Variants in NOBOX observed in about 807,000 individuals in gnomAD.
NOBOX encodes the protein homeobox protein NOBOX.
NOBOX carries 46 observed loss-of-function variants against 60.2 expected under a neutral mutation model. The ratio of observed to expected loss-of-function variants is 0.76; its 90% CI spans 0.60 to 0.98. NOBOX has a LOEUF of 0.98. NOBOX is among the 50% of genes least tolerant of loss of function. The pLI is 0.00. For missense variants in NOBOX, 880 were observed against 865.5 expected (o/e 1.02, Z -0.21); for synonymous variants, 360 against 346.3 (o/e 1.04, Z -0.44).
At chr7:144,409,029 G>A (rs1056025974) in intron 1 of NOBOX, among the ~76,000 whole-genome samples, 7 of 152,132 alleles carry the variant, frequency 4.6e-5, no homozygotes, top group Admixed American at 3.9e-4. Context: ...AGTGTATATG[G>A]AATCCCTGTA....
intron 4 of NOBOX, 57 bp downstream of exon 2, chr7:144,400,989 C>A (rs931164761): frequency 7.2e-7 from 1 of 1,396,394 alleles, no homozygotes; most frequent in African/African-American, 1.4e-5. Flanking sequence ...TCACACAGCC[C>A]CACCTTTCCC....
chr7:144,403,755 G>C (rs897863540), intron 2 of NOBOX, 62 bp from the exon 1 acceptor site: 14 of 659,916 alleles, frequency 2.1e-5, no homozygotes, highest in Non-Finnish European at 3.3e-5. Flanking sequence ...ATGAAGCCTC[G>C]CCGGGCGGGC....
chr7:144,397,455 C>T lies in NOBOX; in HGVS notation c.1861G>A (p.Gly621Arg). 2.6e-6 allele frequency: 4 copies of T among 1,537,240 alleles called. No individual in the cohort carries two copies. Among genetic ancestry groups the T allele is most frequent in the Non-Finnish European group, 8.7e-7 (1 of 1,146,898 alleles). ...AATAGATCAGGAAAGTAGCCATCCC[C>T]TCCTGGGGGATGCCCCAGAGCTTGT... Residue 621 changes from glycine (G) to arginine (R), a missense_variant, in exon 10 of 10, where the codon GGG becomes AGG. Gly to Arg is a moderately radical substitution (Grantham distance 125). Coordinates refer to ENST00000467773, the MANE Select transcript of NOBOX (RefSeq NM_001080413.3).
chr7:144,401,075 C>T lies in NOBOX; in HGVS notation c.815G>A (p.Arg272Lys), dbSNP rs377432245. The change falls in exon 4 of 10, where the codon AGG (arginine) becomes AAG (lysine). Residue 272 changes from arginine (R) to lysine (K), a missense_variant. Physicochemically the swap from Arg to Lys is conservative, Grantham distance 26. Coordinates refer to ENST00000467773, the MANE Select transcript of NOBOX (RefSeq NM_001080413.3). This position sits in a 1 kb window ranked among gnomAD's most constrained non-coding sequence, Gnocchi z 4.2. ...GCGGTATAGGGTTCGTGTCTTTTTC[C>T]TAATTTGGCAGGTCACTTCCGGGGG... 8.5e-6 allele frequency: 13 copies of T among 1,528,330 alleles called. No individual in the cohort carries two copies. Among genetic ancestry groups the T allele is most frequent in the Middle Eastern group, 1.8e-4 (1 of 5,646 alleles). The allele number at this position is 1,528,330 out of a possible 1,614,324, so 94.7% of individuals were successfully genotyped here.
downstream of NOBOX, among the ~76,000 whole-genome samples, chr7:144,397,015 C>G (rs1427693937): frequency 6.6e-6 from 1 of 152,154 alleles, no homozygotes; most frequent in Non-Finnish European, 1.5e-5. Context: ...TAACACAGGC[C>G]ACCTGCTTCC....
chr7:144,398,704 T>C, intron 8 of NOBOX, 118 bp from the exon 7 acceptor site: 1 of 744,390 alleles, frequency 1.3e-6, no homozygotes, highest in Non-Finnish European at 2.2e-6. Context: ...AGCCCAGCCT[T>C]GCAAGGCTGC....
chr7:144,404,616 G>A lies in NOBOX; in HGVS notation c.150C>T (p.Gly50=), dbSNP rs751961900. 2 of 1,614,006 alleles carry A rather than the reference G, an allele frequency of 1.2e-6. No homozygotes were observed. Among genetic ancestry groups the A allele is most frequent in the Non-Finnish European group, 1.7e-6 (2 of 1,179,886 alleles). The stretch of plus-strand genomic sequence containing the variant: ...GGATGATGAAGAAGGAGCTGAAAGA[G>A]CCACAGACTCCGTAGATCCGGTACA... Residue 50 remains glycine (G), a synonymous_variant, in exon 2 of 10, where the codon GGC becomes GGT. Transcript: ENST00000467773.
chr7:144,410,180 C>G lies in NOBOX; in HGVS notation c.48G>C (p.Trp16Cys). The G allele has an allele frequency of 6.4e-7, 1 of 1,571,866 alleles. No individual in the cohort carries two copies. Among genetic ancestry groups the G allele is most frequent in the South Asian group, 1.2e-5 (1 of 85,366 alleles). ...TGAAGCCATCCTTGTCTCTGGTGTC[C>G]CAGGTACCCTCCAGGTCTGGTGATG... Residue 16 changes from tryptophan (W) to cysteine (C), a missense_variant, in exon 1 of 10, where the codon TGG (tryptophan) becomes TGC (cysteine). Physicochemically the swap from Trp to Cys is radical, Grantham distance 215. Transcript: ENST00000467773.
chr7:144,399,927 G>C, intron 5 of NOBOX, 64 bp from the exon 4 acceptor site: 2 of 1,398,570 alleles, frequency 1.4e-6, no homozygotes, highest in East Asian at 2.4e-5. Flanking sequence ...TTAGGTCCTG[G>C]CTGTTGCACA....
At chr7:144,405,828 C>T (rs1208170) in intron 1 of NOBOX, among the ~76,000 whole-genome samples, 19,389 of 152,100 alleles carry the variant, frequency 0.13, 1,548 homozygotes, top group South Asian at 0.23. Context: ...CAAGGAGGTA[C>T]CCAGAAACAT....
At chr7:144,404,761 T>TG (rs35868382) in intron 1 of NOBOX, 1 of 1,553,514 alleles carries the variant, frequency 6.4e-7, no homozygotes, top group Non-Finnish European at 8.8e-7. Flanking sequence ...GGGACTTTCT[T>TG]GGGGGAGATC....
At chr7:144,408,902 C>T (rs562618305) in intron 1 of NOBOX, among the ~76,000 whole-genome samples, 4 of 152,274 alleles carry the variant, frequency 2.6e-5, no homozygotes, top group Admixed American at 2.6e-4. Flanking sequence ...CTGCACAGAA[C>T]TAAATACACA....
At chr7:144,396,952 T>C (rs2053896792), downstream of NOBOX, among the ~76,000 whole-genome samples, 1 of 151,862 alleles carries the variant, frequency 6.6e-6, no homozygotes, top group Admixed American at 6.6e-5. Flanking sequence ...TCCAGCTCAT[T>C]TGTCAAGCAA....
chr7:144,407,417 A>G (rs1005922528), intron 1 of NOBOX, among the ~76,000 whole-genome samples: 1 of 152,220 alleles, frequency 6.6e-6, no homozygotes, highest in Non-Finnish European at 1.5e-5. Context: ...GGGAGATTGT[A>G]GTCACAGCCA....
At chr7:144,397,204 ACCCAAGCAGC>A, downstream of NOBOX, 2 of 1,497,406 alleles carry the variant, frequency 1.3e-6, no homozygotes, top group Admixed American at 4.1e-5. Context: ...ATCCTATCCC[ACCCAAGCAGC>A]CTCTTTTCAC....
chr7:144,397,759 G>A (rs2053904247), intron 9 of NOBOX, among the ~76,000 whole-genome samples: 1 of 152,172 alleles, frequency 6.6e-6, no homozygotes, highest in South Asian at 2.1e-4. Flanking sequence ...TTGACACAAA[G>A]TGAACCATGG....
At position 144,397,518 on chromosome 7, in the gene NOBOX, AG is replaced by A; in HGVS notation, c.1797del (p.Cys600ValfsTer?). The A allele has an allele frequency of 6.5e-7, 1 of 1,534,782 alleles. No homozygotes were observed. The highest frequency in any genetic ancestry group is 8.7e-7 in the Non-Finnish European group (1 of 1,145,308). On this transcript the variant is annotated frameshift_variant, in exon 10 of 10. Coordinates refer to ENST00000467773, the MANE Select transcript of NOBOX (RefSeq NM_001080413.3). LOFTEE classifies it low-confidence loss of function (END_TRUNC). ...CCAGGGAAGGGCAGCTCTGGCAAAC[AG>A]GGGTCACTCCAGGAGGCTGTACCTG...
chr7:144,410,133 A>C (rs545826617), intron 1 of NOBOX: 1 of 1,544,748 alleles, frequency 6.5e-7, no homozygotes, highest in African/African-American at 1.4e-5. Flanking sequence ...CTTCCAGGAC[A>C]TGAGCTCACC....
At chr7:144,398,731 C>T (rs2053912946) in intron 8 of NOBOX, 145 bp from the exon 7 acceptor site, 3 of 667,956 alleles carry the variant, frequency 4.5e-6, no homozygotes, top group Admixed American at 5.0e-5. Context: ...TGCCTCTTCT[C>T]CCCACTCCCG....
Sources: allele counts gnomAD v4.1 joint callset (sites outside exome capture counted in the v4.1 genomes callset), GRCh38; gene constraint gnomAD v4.1.1; non-coding constraint Gnocchi (gnomAD v3.1); transcripts MANE v1.5; gene names NCBI Gene and HGNC (gene_info 2026-07-23, HGNC 2026-07-21).